The following GSK3B variants were observed in gnomAD, a reference collection of about 807,000 sequenced individuals.
The protein encoded by GSK3B is glycogen synthase kinase 3 beta.
In GSK3B, 15 loss-of-function variants were observed where a neutral mutation model predicts 56.4. The ratio of observed to expected loss-of-function variants is 0.27; its 90% CI spans 0.18 to 0.41. GSK3B has a LOEUF of 0.41. Ranked by LOEUF, GSK3B falls within the 10% of genes least tolerant of loss-of-function variation. The probability of loss-of-function intolerance (pLI) is 1.00; values close to 1 mark genes in which losing one functional copy is unlikely to be tolerated. For missense variants in GSK3B, 300 were observed against 513.4 expected, an observed-to-expected ratio of 0.58 and a Z score of 4.02; for synonymous variants, 181 against 188.9, an observed-to-expected ratio of 0.96 and a Z score of 0.34.
chr3:120,008,265 T>G (rs543047454), intron 1 of GSK3B, among the ~76,000 whole-genome samples: 3 of 152,210 alleles, frequency 2.0e-5, no homozygotes, highest in Non-Finnish European at 2.9e-5. Context: ...TCCATGCTCA[T>G]GCATAGGAAG....
At chr3:119,898,721 G>A (rs2056596045) in intron 7 of GSK3B, among the ~76,000 whole-genome samples, 1 of 152,076 alleles carries the variant, frequency 6.6e-6, no homozygotes, top group African/African-American at 2.4e-5. Flanking sequence ...TGGAGGATAT[G>A]TTCCAAGACT....
intron 3 of GSK3B, among the ~76,000 whole-genome samples, chr3:119,934,492 A>T (rs887788796): frequency 6.6e-6 from 1 of 152,248 alleles, no homozygotes; most frequent in African/African-American, 2.4e-5. Context: ...CATGCAGGTA[A>T]GTAAGATAAG....
chr3:120,087,802 A>G (rs558226368), intron 1 of GSK3B, among the ~76,000 whole-genome samples: 11 of 152,360 alleles, frequency 7.2e-5, no homozygotes, highest in African/African-American at 2.6e-4. Context: ...GAACCTGCAC[A>G]TTGTTTGGAA....
At chr3:120,092,993 CT>C (rs149419456) in intron 1 of GSK3B, among the ~76,000 whole-genome samples, 1,708 of 152,240 alleles carry the variant, frequency 0.011, 25 homozygotes, top group African/African-American at 0.039. Context: ...AAATCTTGTC[CT>C]TCTCTTTATT....
At chr3:120,032,462 G>A (rs1040833523) in intron 1 of GSK3B, among the ~76,000 whole-genome samples, 2 of 150,400 alleles carry the variant, frequency 1.3e-5, no homozygotes, top group South Asian at 2.1e-4. Flanking sequence ...GCAACAGAGT[G>A]AGACTCCGTC....
chr3:119,956,008 T>A (rs931932494), intron 2 of GSK3B, among the ~76,000 whole-genome samples: 2 of 151,748 alleles, frequency 1.3e-5, no homozygotes, highest in African/African-American at 4.8e-5. Context: ...TGAAAAAAAA[T>A]GTTACAAAGG....
At chr3:119,944,959 AG>A (rs1364453386) in intron 3 of GSK3B, among the ~76,000 whole-genome samples, 11 of 152,216 alleles carry the variant, frequency 7.2e-5, no homozygotes, top group Admixed American at 7.2e-4. Flanking sequence ...ACCTATTCCA[AG>A]AAAGTCAGAA....
At chr3:120,036,572 C>G (rs899209049) in intron 1 of GSK3B, among the ~76,000 whole-genome samples, 16 of 152,074 alleles carry the variant, frequency 1.1e-4, no homozygotes, top group African/African-American at 3.9e-4. Context: ...GTGGGCAGAT[C>G]ACTTGAGGTC....
At chr3:119,966,930 G>GT (rs1196465760) in intron 2 of GSK3B, among the ~76,000 whole-genome samples, 2 of 152,100 alleles carry the variant, frequency 1.3e-5, no homozygotes, top group Non-Finnish European at 2.9e-5. Flanking sequence ...ACAAATGAAT[G>GT]TAAGACTTAT....
chr3:120,032,103 T>C (rs187573361), intron 1 of GSK3B, among the ~76,000 whole-genome samples: 233 of 152,308 alleles, frequency 1.5e-3, no homozygotes, highest in African/African-American at 5.1e-3. Context: ...ATGTAAAATA[T>C]CTCAATAATG....
intron 2 of GSK3B, among the ~76,000 whole-genome samples, chr3:119,984,717 T>G (rs980790034): frequency 6.6e-6 from 1 of 152,116 alleles, no homozygotes; most frequent in Non-Finnish European, 1.5e-5. Flanking sequence ...ATTGAGGCAA[T>G]GATTAATAGT....
chr3:119,992,223 A>C (rs2057572503), intron 2 of GSK3B, among the ~76,000 whole-genome samples: 1 of 152,120 alleles, frequency 6.6e-6, no homozygotes, highest in South Asian at 2.1e-4. Flanking sequence ...ACATACTATA[A>C]AGTCTCTATA....
chr3:119,873,238 G>A (rs1224301611), intron 8 of GSK3B, among the ~76,000 whole-genome samples: 1 of 151,868 alleles, frequency 6.6e-6, no homozygotes, highest in Non-Finnish European at 1.5e-5. Context: ...TCATCTCAGT[G>A]TTATTTTTCT....
chr3:119,954,306 A>ATAG (rs1401442465), intron 2 of GSK3B, among the ~76,000 whole-genome samples: 4 of 126,226 alleles, frequency 3.2e-5, no homozygotes, highest in South Asian at 2.3e-4. Context: ...ATAGAATAGA[A>ATAG]AAGAAACAGA....
intron 9 of GSK3B, among the ~76,000 whole-genome samples, 187 bp downstream of exon 9, chr3:119,863,232 G>A (rs147380541): frequency 1.7e-3 from 263 of 152,252 alleles, no homozygotes; most frequent in Admixed American, 3.6e-3. Flanking sequence ...AAACTTTTAC[G>A]TGCTACTCTT....
rs981408411 is a variant in GSK3B, at chr3:120,029,099, A to C, written c.89-26860T>G. 2.3e-5 allele frequency: 18 copies of C among 773,324 alleles called. No homozygotes were observed. The East Asian group carries it at 4.1e-4, about 18-fold the overall frequency. 47.9% of individuals were successfully genotyped at this position (773,324 alleles called of 1,614,324 possible). On this transcript the variant is annotated intron_variant, in intron 1 of 10. Transcript: ENST00000264235. ...GGATCAGCTACTATTTGGCAATATGAATCACTGAAATCCAGGGTCCAGAGT... is the reference window on the plus strand; with the variant it reads ...GGATCAGCTACTATTTGGCAATATGCATCACTGAAATCCAGGGTCCAGAGT...
intron 1 of GSK3B, among the ~76,000 whole-genome samples, chr3:120,039,492 T>C (rs2058048787): frequency 6.6e-6 from 1 of 151,968 alleles, no homozygotes; most frequent in South Asian, 2.1e-4. Flanking sequence ...CTCTAGTTAC[T>C]GTAAAAAAAA....
intron 3 of GSK3B, among the ~76,000 whole-genome samples, chr3:119,929,668 C>T (rs1210302860): frequency 4.0e-5 from 6 of 151,668 alleles, no homozygotes; most frequent in African/African-American, 7.3e-5. Context: ...TTTGGCAGGC[C>T]GAGGTGGGCG....
At chr3:119,967,834 TTC>T (rs202156812) in intron 2 of GSK3B, among the ~76,000 whole-genome samples, 25,304 of 118,618 alleles carry the variant, frequency 0.21, 2,818 homozygotes, top group East Asian at 0.38. Flanking sequence ...CTCTTTCTCT[TTC>T]TCTCTCTCTC....
Sources: gnomAD v4.1 joint callset for allele counts (sites outside exome capture counted in the v4.1 genomes callset) on GRCh38, gnomAD v4.1.1 for gene constraint, MANE v1.5 for transcripts, NCBI Gene and HGNC (gene_info 2026-07-23, HGNC 2026-07-21) for gene names.